The following KAZN variants were observed in gnomAD, a reference collection of about 807,000 sequenced individuals.
KAZN encodes the protein kazrin, periplakin interacting protein, also known as kazrin.
In KAZN, 40 loss-of-function variants were observed where a neutral mutation model predicts 87.4. That is an observed-to-expected ratio of 0.46 (90% confidence interval 0.36 to 0.60). KAZN has a LOEUF of 0.60. Ranked by LOEUF, KAZN falls within the 20% of genes least tolerant of loss-of-function variation. The pLI, the probability that KAZN is intolerant of heterozygous loss-of-function variation, is 0.00. For missense variants in KAZN, 898 were observed against 1,073.9 expected (o/e 0.84, Z 2.29); for synonymous variants, 466 against 458.3 (o/e 1.02, Z -0.22).
chr1:14,610,610 C>G (rs561508330), intron 1 of KAZN, among the ~76,000 whole-genome samples: 1 of 152,172 alleles, frequency 6.6e-6, no homozygotes, highest in Non-Finnish European at 1.5e-5. Context: ...TAAACAAGGT[C>G]AGGAATTACA....
chr1:14,554,539 C>A (rs1215276895), intron 2 of KAZN, among the ~76,000 whole-genome samples: 2 of 152,184 alleles, frequency 1.3e-5, no homozygotes, highest in East Asian at 3.9e-4. Flanking sequence ...ACATACGCGT[C>A]CCCTTTGAAA....
intron 1 of KAZN, among the ~76,000 whole-genome samples, chr1:13,901,050 A>C (rs1001859968): frequency 1.5e-3 from 228 of 151,502 alleles, no homozygotes; most frequent in African/African-American, 5.3e-3. Context: ...TTGAAAAAAA[A>C]AAAACAAAAA....
chr1:14,452,631 G>A (rs189107614), intron 2 of KAZN, among the ~76,000 whole-genome samples: 114 of 152,046 alleles, frequency 7.5e-4, no homozygotes, highest in Admixed American at 3.2e-3. Flanking sequence ...GGCATACAGG[G>A]AAGAGTCAGA....
intron 2 of KAZN, among the ~76,000 whole-genome samples, chr1:14,334,844 A>G (rs1657113877): frequency 6.6e-6 from 1 of 152,196 alleles, no homozygotes; most frequent in South Asian, 2.1e-4. Flanking sequence ...ACACAGGACA[A>G]ACGCAGAGGC....
intron 2 of KAZN, among the ~76,000 whole-genome samples, chr1:14,288,068 G>C (rs1337037527): frequency 1.3e-5 from 2 of 152,150 alleles, no homozygotes; most frequent in Non-Finnish European, 2.9e-5. Context: ...ATGTGCTGCT[G>C]GATTCAGTTT....
At chr1:14,627,691 C>G (rs192835837) in intron 1 of KAZN, among the ~76,000 whole-genome samples, 2 of 152,136 alleles carry the variant, frequency 1.3e-5, no homozygotes, top group Non-Finnish European at 2.9e-5. Flanking sequence ...GCTAGTTTCC[C>G]GTTAGAATCC....
At chr1:14,446,423 G>C (rs1666988072) in intron 2 of KAZN, among the ~76,000 whole-genome samples, 1 of 152,120 alleles carries the variant, frequency 6.6e-6, no homozygotes, top group Non-Finnish European at 1.5e-5. Flanking sequence ...AAGAAAAGGA[G>C]GATGAATGGA....
intron 2 of KAZN, among the ~76,000 whole-genome samples, chr1:14,455,394 C>T (rs139728993): frequency 8.5e-5 from 13 of 152,312 alleles, no homozygotes; most frequent in African/African-American, 3.1e-4. Flanking sequence ...TCTTCTGGAA[C>T]TTTCCATCCT....
At chr1:15,033,213 C>CG (rs1671911950) in intron 2 of KAZN, among the ~76,000 whole-genome samples, 1 of 152,094 alleles carries the variant, frequency 6.6e-6, no homozygotes. Context: ...ACAGGGAGTT[C>CG]GGGAACCAAT....
chr1:14,755,111 G>A (rs898993365), intron 1 of KAZN, among the ~76,000 whole-genome samples: 1 of 142,842 alleles, frequency 7.0e-6, no homozygotes, highest in African/African-American at 2.7e-5. Flanking sequence ...AAAATAGCCA[G>A]GTGTGGTGGC....
At chr1:14,098,520 G>T (rs11586538) in intron 1 of KAZN, among the ~76,000 whole-genome samples, 21,838 of 152,192 alleles carry the variant, frequency 0.14, 2,118 homozygotes, top group Middle Eastern at 0.26. Context: ...AAAAGGGGTT[G>T]CTGTGGGCAA....
chr1:14,285,862 G>T (rs1653204514), intron 2 of KAZN, among the ~76,000 whole-genome samples: 1 of 152,196 alleles, frequency 6.6e-6, no homozygotes, highest in African/African-American at 2.4e-5. Flanking sequence ...TCCAAGAGCT[G>T]ACTTGGAGTC....
chr1:14,907,641 C>A (rs1277455825), intron 1 of KAZN, among the ~76,000 whole-genome samples: 1 of 152,048 alleles, frequency 6.6e-6, no homozygotes, highest in African/African-American at 2.4e-5. Context: ...TGAGCTGCTT[C>A]CGGAAAGAAG....
intron 1 of KAZN, among the ~76,000 whole-genome samples, chr1:14,711,058 T>C (rs1004834387): frequency 2.6e-5 from 4 of 151,880 alleles, no homozygotes; most frequent in African/African-American, 9.7e-5. Context: ...CTGGGCATGG[T>C]GGTGTGTGCT....
intron 1 of KAZN, among the ~76,000 whole-genome samples, chr1:14,674,548 C>T (rs1414997983): frequency 6.6e-6 from 1 of 152,300 alleles, no homozygotes; most frequent in African/African-American, 2.4e-5. Flanking sequence ...TTCATGCAAC[C>T]CTAGACCTTG....
intron 2 of KAZN, among the ~76,000 whole-genome samples, chr1:14,523,537 T>C (rs1387347060): frequency 6.6e-6 from 1 of 152,222 alleles, no homozygotes; most frequent in East Asian, 1.9e-4. Flanking sequence ...TCATGAATAA[T>C]TACCACGAGG....
At chr1:14,768,449 C>T (rs1381649095) in intron 1 of KAZN, among the ~76,000 whole-genome samples, 4 of 152,098 alleles carry the variant, frequency 2.6e-5, no homozygotes, top group South Asian at 2.1e-4. Flanking sequence ...ATCAAGAACT[C>T]GTGGTTAAAT....
intron 1 of KAZN, among the ~76,000 whole-genome samples, chr1:14,838,880 C>A (rs532140574): frequency 3.3e-5 from 5 of 152,142 alleles, no homozygotes; most frequent in Non-Finnish European, 7.3e-5. Flanking sequence ...CTTTGGCCTC[C>A]CCAGATGCTG....
intron 1 of KAZN, among the ~76,000 whole-genome samples, chr1:13,984,158 C>T (rs1638896293): frequency 6.6e-6 from 1 of 152,070 alleles, no homozygotes; most frequent in Non-Finnish European, 1.5e-5. Flanking sequence ...CTACAGGCGC[C>T]CGCCACCATG....
Sources: allele counts gnomAD v4.1 joint callset (sites outside exome capture counted in the v4.1 genomes callset), GRCh38; gene constraint gnomAD v4.1.1; transcripts MANE v1.5; gene names NCBI Gene and HGNC (gene_info 2026-07-23, HGNC 2026-07-21).